Variants in CDH6 observed in about 807,000 individuals in gnomAD.
CDH6 encodes cadherin-6.
Under a neutral mutation model 78.0 loss-of-function variants are expected in CDH6, and 31 were observed. That is an observed-to-expected ratio of 0.40 (90% confidence interval 0.30 to 0.54). The LOEUF is 0.54. CDH6 is among the 20% of genes least tolerant of loss of function. The pLI is 0.56. For missense variants in CDH6, 724 were observed against 975.9 expected (o/e 0.74, Z 3.44); for synonymous variants, 376 against 368.8 (o/e 1.02, Z -0.23).
At chr5:31,210,968 C>A (rs746789812) in intron 1 of CDH6, among the ~76,000 whole-genome samples, 1 of 151,924 alleles carries the variant, frequency 6.6e-6, no homozygotes, top group Non-Finnish European at 1.5e-5. Context: ...ATAACAAGAC[C>A]CAAATCCACG....
At chr5:31,203,288 G>A (rs1162857697) in intron 1 of CDH6, among the ~76,000 whole-genome samples, 1 of 141,174 alleles carries the variant, frequency 7.1e-6, no homozygotes, top group Non-Finnish European at 1.5e-5. Flanking sequence ...GGGTACATGT[G>A]CACATTGTGC....
intron 11 of CDH6, 54 bp downstream of exon 11, chr5:31,317,978 T>G (rs1738374827): frequency 6.3e-7 from 1 of 1,590,152 alleles, no homozygotes; most frequent in Non-Finnish European, 8.6e-7. Flanking sequence ...CTCACACTGT[T>G]ACTGTGACAC....
In CDH6 at chr5:31,234,500, AT is replaced by A. The variant is rs1314636749; in HGVS notation, c.-128-32842del. Among the ~76,000 whole-genome samples, 5 of 152,258 alleles carry A rather than the reference AT, an allele frequency of 3.3e-5. No homozygotes were observed. The East Asian group carries it at 9.6e-4, about 29-fold the overall frequency. On this transcript the variant is annotated intron_variant, in intron 1 of 11. Transcript: ENST00000265071. ...AGAGTGTTACTAATAACTAGATGCC[AT>A]TTTCCTCATACTTGCCATTCAGCAT...
At position 31,269,948 on chromosome 5, in the gene CDH6, C is replaced by T. The variant is rs557714275; in HGVS notation, c.228+2247C>T. Among the ~76,000 whole-genome samples the T allele has an allele frequency of 7.9e-5, 12 of 152,230 alleles. No individual in the cohort carries two copies. In the South Asian group the frequency reaches 1.0e-3, roughly 13 times the overall value. ...TTGCCTCATGGCTGTATCAGACACG[C>T]GTTAGAGGTGGTTTTGAGCTGTTGA... On this transcript the variant is annotated intron_variant, in intron 2 of 11. Transcript: ENST00000265071.
intron 1 of CDH6, among the ~76,000 whole-genome samples, chr5:31,199,655 A>ATG (rs1309990298): frequency 6.8e-5 from 7 of 102,522 alleles, no homozygotes; most frequent in Admixed American, 2.2e-4. Context: ...GTGTGTGTGT[A>ATG]TGTGTGTGTG....
At position 31,320,716 on chromosome 5, in the gene CDH6, G is replaced by A. The variant is rs373096314; in HGVS notation, c.1883-2102G>A. ...GTGCTGGCTGGGCATGGTGGTTCAC[G>A]CCTGTAATCCCAACACTTTGCGAGG... On this transcript the variant is annotated intron_variant, in intron 11 of 11. Transcript: ENST00000265071. Among the ~76,000 whole-genome samples the A allele has an allele frequency of 3.3e-5, 5 of 152,190 alleles. No homozygotes were observed. The East Asian group carries it at 5.8e-4, about 18-fold the overall frequency.
intron 1 of CDH6, among the ~76,000 whole-genome samples, chr5:31,223,572 T>A (rs763659148): frequency 2.4e-4 from 37 of 152,212 alleles, no homozygotes; most frequent in Non-Finnish European, 4.9e-4. Flanking sequence ...TCTCAGTGAT[T>A]TCATTCTTAA....
intron 2 of CDH6, among the ~76,000 whole-genome samples, chr5:31,293,251 A>G (rs1319858867): frequency 6.6e-6 from 1 of 152,172 alleles, no homozygotes; most frequent in Non-Finnish European, 1.5e-5. Flanking sequence ...ATACTTAAGT[A>G]TAAATATGAA....
chr5:31,300,796 G>A (rs1737745687), intron 5 of CDH6, among the ~76,000 whole-genome samples: 1 of 152,184 alleles, frequency 6.6e-6, no homozygotes, highest in Non-Finnish European at 1.5e-5. Flanking sequence ...AAAGGGGCAG[G>A]AGGCCCTAAA....
intron 11 of CDH6, chr5:31,319,048 G>A (rs1202034491): frequency 5.2e-6 from 1 of 193,102 alleles, no homozygotes; most frequent in African/African-American, 2.3e-5. Flanking sequence ...ACAAATCAGT[G>A]TTTCTAATGG....
At chr5:31,304,426 C>T (rs553415579) in intron 6 of CDH6, among the ~76,000 whole-genome samples, 4 of 152,268 alleles carry the variant, frequency 2.6e-5, no homozygotes, top group Admixed American at 1.3e-4. Context: ...GTGGCTCACG[C>T]TTGTAATCCC....
chr5:31,204,800 G>A (rs368154809), intron 1 of CDH6, among the ~76,000 whole-genome samples: 3 of 152,028 alleles, frequency 2.0e-5, no homozygotes, highest in Non-Finnish European at 4.4e-5. Context: ...ACTTTAAAGC[G>A]AGAAGTGAAA....
chr5:31,198,876 T>TA (rs1470831698), intron 1 of CDH6, among the ~76,000 whole-genome samples: 1 of 152,086 alleles, frequency 6.6e-6, no homozygotes, highest in Non-Finnish European at 1.5e-5. Context: ...AAATTACCTT[T>TA]AAAAAATCAC....
intron 2 of CDH6, among the ~76,000 whole-genome samples, chr5:31,268,898 T>C (rs866399509): frequency 2.0e-5 from 3 of 152,260 alleles, no homozygotes; most frequent in Middle Eastern, 3.4e-3. Context: ...GAATTATTAA[T>C]GTAGAATAAA....
chr5:31,284,124 A>G (rs2149942131), intron 2 of CDH6, among the ~76,000 whole-genome samples: 1 of 152,284 alleles, frequency 6.6e-6, no homozygotes, highest in South Asian at 2.1e-4. Context: ...CCTATTTTCT[A>G]GATCCTTTTC....
chr5:31,194,312 G>C (rs961837097), intron 1 of CDH6, among the ~76,000 whole-genome samples: 2 of 152,236 alleles, frequency 1.3e-5, no homozygotes, highest in Admixed American at 6.5e-5. Context: ...CCGCCGAGCC[G>C]TTTGGGGCTT....
At chr5:31,219,947 T>C (rs1279784592) in intron 1 of CDH6, among the ~76,000 whole-genome samples, 1 of 152,204 alleles carries the variant, frequency 6.6e-6, no homozygotes, top group Non-Finnish European at 1.5e-5. Context: ...GTTCCCCTCT[T>C]AATTTCCACA....
At chr5:31,253,810 C>T (rs1241269540) in intron 1 of CDH6, among the ~76,000 whole-genome samples, 4 of 151,190 alleles carry the variant, frequency 2.6e-5, no homozygotes, top group Non-Finnish European at 2.9e-5. Flanking sequence ...CAAACTATAA[C>T]AGGACTGATA....
Position 31,265,279 on chromosome 5 carries a change from G to A in CDH6, c.-128-2067G>A, listed in dbSNP as rs955978650. ...AAGAATCATTCGTACCTAATTGATC[G>A]TCAGTCATTCCACCCCTGTACCAAG... is the stretch of plus-strand genomic sequence containing the variant. On this transcript the variant is annotated intron_variant, in intron 1 of 11. Transcript: ENST00000265071. Among the ~76,000 whole-genome samples, 10 of 152,158 alleles carry A rather than the reference G, an allele frequency of 6.6e-5. No homozygotes were observed. In the East Asian group the frequency reaches 9.7e-4, roughly 15 times the overall value.
Sources: gnomAD v4.1 joint callset for allele counts (sites outside exome capture counted in the v4.1 genomes callset) on GRCh38, gnomAD v4.1.1 for gene constraint, MANE v1.5 for transcripts, NCBI Gene and HGNC (gene_info 2026-07-23, HGNC 2026-07-21) for gene names.